AGBL2: variants seen among roughly 807,000 people sequenced by gnomAD.
The protein encoded by AGBL2 is cytosolic carboxypeptidase 2.
In AGBL2, 87 loss-of-function variants were observed where a neutral mutation model predicts 103.0. The ratio of observed to expected loss-of-function variants is 0.84; its 90% CI spans 0.71 to 1.01. The LOEUF (loss-of-function observed/expected upper bound fraction) is 1.01, where lower values mean the gene tolerates loss of function less well. AGBL2 is among the 50% of genes least tolerant of loss of function. AGBL2 has a pLI of 0.00. For synonymous variants in AGBL2, 335 were observed against 356.7 expected, an observed-to-expected ratio of 0.94 and a Z score of 0.69; for missense variants, 904 against 1,023.5, an observed-to-expected ratio of 0.88 and a Z score of 1.59.
Position 47,667,608 on chromosome 11 carries a change from T to A in AGBL2, c.2303A>T (p.Asn768Ile), listed in dbSNP as rs539989578. The A allele has an allele frequency of 1.9e-5, 30 of 1,613,072 alleles. No homozygotes were observed. In the South Asian group the frequency reaches 3.3e-4, roughly 18 times the overall value. ...KQRNEQYQKK[N>I]LMQKLKLTED... The stretch of plus-strand genomic sequence containing the variant: ...TGTTAACTTTAACTTCTGCATCAAA[T>A]TTTTTTTCTGATACTGCTCATTTCG... The change falls in exon 16 of 19, where the codon AAT becomes ATT. Residue 768 changes from asparagine to isoleucine, a missense_variant. Physicochemically the swap from Asn to Ile is moderately radical, Grantham distance 149. Transcript: ENST00000525123.
chr11:47,699,465 A>T lies in AGBL2; in HGVS notation c.675T>A (p.Val225=). ...CAATACCTGAATCTAATTGATAGACAACTGTTCCTTTTTTCTCTCCTACAA... is the reference window on the plus strand; with the variant it reads ...CAATACCTGAATCTAATTGATAGACTACTGTTCCTTTTTTCTCTCCTACAA... The part of the protein sequence containing the change: ...PEIVGEKKGT[V]VYQLDSVPIE... The change falls in exon 8 of 19, where the codon GTT becomes GTA. Residue 225 remains valine, a synonymous_variant. Coordinates refer to ENST00000525123, the MANE Select transcript of AGBL2 (RefSeq NM_024783.4). 1.9e-6 allele frequency: 3 copies of T among 1,579,810 alleles called. No individual in the cohort carries two copies. Among genetic ancestry groups the T allele is most frequent in the Non-Finnish European group, 2.6e-6 (3 of 1,151,414 alleles).
chr11:47,691,906 T>C (rs1017539805), intron 9 of AGBL2, among the ~76,000 whole-genome samples, 197 bp downstream of exon 9: 34 of 150,586 alleles, frequency 2.3e-4, no homozygotes, highest in African/African-American at 7.3e-4. Flanking sequence ...TAATTTCTTC[T>C]ATAAGCAAAG....
chr11:47,663,625 T>C (rs1217944368), intron 17 of AGBL2, among the ~76,000 whole-genome samples: 1 of 150,796 alleles, frequency 6.6e-6, no homozygotes, highest in African/African-American at 2.4e-5. Flanking sequence ...GGCGCAATCT[T>C]GGCTCACTGC....
Position 47,686,009 on chromosome 11 carries a change from G to T in AGBL2, c.1672C>A (p.His558Asn). The T allele has an allele frequency of 6.2e-7, 1 of 1,613,966 alleles. No homozygotes were observed. The highest frequency in any genetic ancestry group is 1.1e-5 in the South Asian group (1 of 91,042). Residue 558 changes from histidine (H) to asparagine (N), a missense_variant, in exon 11 of 19, where the codon CAT (histidine) becomes AAT (asparagine). Coordinates refer to ENST00000525123, the MANE Select transcript of AGBL2 (RefSeq NM_024783.4). Reference sequence around the variant, plus strand: ...ATATTATTCTTACGACTGTGGCCATGGAAATCACAATACAACAGAACCTCT... The same window carrying T: ...ATATTATTCTTACGACTGTGGCCATTGAAATCACAATACAACAGAACCTCT... ...EREVLLYCDF[H>N]GHSRKNNIFL...
At chr11:47,692,310 G>A in intron 8 of AGBL2, 54 bp from the exon 9 acceptor site, 2 of 1,485,616 alleles carry the variant, frequency 1.3e-6, no homozygotes, top group East Asian at 2.5e-5. Flanking sequence ...CACTCATTCA[G>A]CAAATACTTA....
intron 1 of AGBL2, 169 bp from the exon 2 acceptor site, chr11:47,714,919 C>T (rs952839388): frequency 4.0e-6 from 2 of 498,658 alleles, no homozygotes; most frequent in Non-Finnish European, 3.6e-6. Context: ...AGCGTATCTT[C>T]CCGCTTCTTC....
chr11:47,666,664 T>G, intron 17 of AGBL2: 1 of 551,404 alleles, frequency 1.8e-6, no homozygotes, highest in Non-Finnish European at 3.2e-6. Context: ...TAACATTTGC[T>G]GATTGAGTAG....
At chr11:47,672,679 T>C (rs572646426) in intron 14 of AGBL2, among the ~76,000 whole-genome samples, 2 of 152,196 alleles carry the variant, frequency 1.3e-5, no homozygotes, top group South Asian at 4.2e-4. Flanking sequence ...GAGTTAGGCA[T>C]AGGATTCTGA....
At chr11:47,683,090 G>T (rs1282781946) in intron 11 of AGBL2, among the ~76,000 whole-genome samples, 2 of 152,156 alleles carry the variant, frequency 1.3e-5, no homozygotes, top group African/African-American at 4.8e-5. Flanking sequence ...AGAAAGAGAG[G>T]CCGGGTATGG....
chr11:47,690,409 G>T lies in AGBL2; in HGVS notation c.1298C>A (p.Thr433Asn), dbSNP rs767535485. The change falls in exon 10 of 19, where the codon ACC becomes AAC. Residue 433 changes from threonine (T) to asparagine (N), a missense_variant. Transcript: ENST00000525123. ...QTLCRSLAGN[T>N]VYLLTITNPS... is the part of the protein sequence containing the mutation. Reference sequence around the variant, plus strand: ...GTTGGTGATGGTGAGCAAGTAAACGGTATTTCCTGCTAGGCTCCTGCATAA... The same window carrying T: ...GTTGGTGATGGTGAGCAAGTAAACGTTATTTCCTGCTAGGCTCCTGCATAA... 2 of 1,614,136 alleles carry T rather than the reference G, an allele frequency of 1.2e-6. No homozygotes were observed. Among genetic ancestry groups the T allele is most frequent in the Admixed American group, 3.3e-5 (2 of 59,988 alleles).
chr11:47,660,418 G>T (rs904206412), intron 18 of AGBL2, 72 bp from the exon 19 acceptor site: 4 of 1,460,684 alleles, frequency 2.7e-6, no homozygotes, highest in Non-Finnish European at 3.7e-6. Context: ...TTAGGGTTGG[G>T]GTTGGCTTTA....
intron 4 of AGBL2, 43 bp from the exon 5 acceptor site, chr11:47,705,960 T>C (rs767453823): frequency 5.1e-6 from 8 of 1,553,560 alleles, no homozygotes; most frequent in Non-Finnish European, 7.1e-6. Context: ...CAGGGATCGT[T>C]GTCTTCTTTT....
intron 4 of AGBL2, among the ~76,000 whole-genome samples, chr11:47,708,870 C>T (rs527728654): frequency 1.4e-4 from 22 of 151,950 alleles, no homozygotes; most frequent in African/African-American, 4.8e-4. Flanking sequence ...ACCTGTAATC[C>T]CAGCACTTTG....
In AGBL2 at chr11:47,690,810, G is replaced by A; in HGVS notation, c.897C>T (p.Asn299=). ...ELTLRTDLYT[N]KHTQWFYFRV... ...GAAAATAAAACCACTGAGTGTGTTT[G>A]TTAGTGTAGAGGTCAGTTCGCAAGG... The change falls in exon 10 of 19, where the codon AAC becomes AAT. Residue 299 remains asparagine, a synonymous_variant. Transcript: ENST00000525123. 1 of 1,613,664 alleles carries A rather than the reference G, an allele frequency of 6.2e-7. No individual in the cohort carries two copies. Among genetic ancestry groups the A allele is most frequent in the Non-Finnish European group, 8.5e-7 (1 of 1,179,986 alleles).
At chr11:47,692,727 T>C (rs2097453040) in intron 8 of AGBL2, among the ~76,000 whole-genome samples, 1 of 151,864 alleles carries the variant, frequency 6.6e-6, no homozygotes, top group African/African-American at 2.4e-5. Context: ...ACATCAATTT[T>C]TTTTTAAATG....
intron 14 of AGBL2, among the ~76,000 whole-genome samples, chr11:47,673,485 C>T (rs2097363646): frequency 6.6e-6 from 1 of 152,060 alleles, no homozygotes; most frequent in East Asian, 1.9e-4. Flanking sequence ...ATTAGCCAGG[C>T]GTGGTGGCAC....
chr11:47,679,080 A>G (rs1173960342), intron 13 of AGBL2, among the ~76,000 whole-genome samples: 3 of 148,156 alleles, frequency 2.0e-5, no homozygotes, highest in Non-Finnish European at 3.0e-5. Flanking sequence ...AAAAAAAAAA[A>G]AAAAAAAAAG....
At chr11:47,707,489 C>G (rs933259137) in intron 4 of AGBL2, among the ~76,000 whole-genome samples, 1 of 152,128 alleles carries the variant, frequency 6.6e-6, no homozygotes, top group South Asian at 2.1e-4. Context: ...GGAAACTCCC[C>G]CTTATAGAAC....
At chr11:47,669,044 C>T in intron 14 of AGBL2, 137 bp from the exon 15 acceptor site, 1 of 607,884 alleles carries the variant, frequency 1.6e-6, no homozygotes, top group Non-Finnish European at 2.9e-6. Flanking sequence ...GTCTATGCTT[C>T]AATTACTAAA....
Sources: gnomAD v4.1 joint callset for allele counts (sites outside exome capture counted in the v4.1 genomes callset) on GRCh38, gnomAD v4.1.1 for gene constraint, MANE v1.5 for transcripts, NCBI Gene and HGNC (gene_info 2026-07-23, HGNC 2026-07-21) for gene names.